The following MYO3B variants were observed in gnomAD, a reference collection of about 807,000 sequenced individuals.
MYO3B encodes the protein myosin IIIB.
A neutral mutation model predicts 174.6 loss-of-function variants in MYO3B; 156 were observed. The observed-to-expected ratio is 0.89, with a 90% CI of 0.78 to 1.02. The LOEUF (loss-of-function observed/expected upper bound fraction) is 1.02. Among genes scored for constraint, MYO3B ranks in the 50% least tolerant of loss-of-function variants. MYO3B has a pLI of 0.00. For missense variants in MYO3B, 1,632 were observed against 1,639.4 expected (o/e 1.00, Z 0.08); for synonymous variants, 563 against 569.1 (o/e 0.99, Z 0.15).
intron 22 of MYO3B, among the ~76,000 whole-genome samples, chr2:170,417,431 A>G (rs80325179): frequency 1.3e-3 from 197 of 152,370 alleles, no homozygotes; most frequent in African/African-American, 4.4e-3. Context: ...TCAGTTAACT[A>G]CTGCAAGATA....
chr2:170,361,011 C>T (rs2094156349), intron 8 of MYO3B, among the ~76,000 whole-genome samples: 1 of 152,214 alleles, frequency 6.6e-6, no homozygotes, highest in Non-Finnish European at 1.5e-5. Flanking sequence ...ATGTAGCACT[C>T]ATACTGCTAA....
intron 30 of MYO3B, among the ~76,000 whole-genome samples, chr2:170,532,877 A>T (rs1448160847): frequency 3.3e-4 from 50 of 152,096 alleles, no homozygotes; most frequent in Admixed American, 3.3e-3. Context: ...GTTCAGAAAA[A>T]AATTATGCAT....
At chr2:170,399,472 T>C (rs2094461845) in intron 16 of MYO3B, among the ~76,000 whole-genome samples, 1 of 95,260 alleles carries the variant, frequency 1.0e-5, no homozygotes, top group Admixed American at 9.5e-5. Flanking sequence ...AGACTCTATC[T>C]CAAAAAAAAA....
chr2:170,311,057 C>T (rs1028858576), intron 7 of MYO3B, among the ~76,000 whole-genome samples: 6 of 152,104 alleles, frequency 3.9e-5, no homozygotes, highest in Non-Finnish European at 7.4e-5. Flanking sequence ...CACCTTTTGT[C>T]TATTGTGAAT....
intron 32 of MYO3B, among the ~76,000 whole-genome samples, chr2:170,622,159 A>G (rs138215913): frequency 6.4e-4 from 97 of 152,334 alleles, no homozygotes; most frequent in African/African-American, 2.0e-3. Flanking sequence ...TTCAACTTTC[A>G]TGTAAGAAAG....
At chr2:170,496,410 T>A (rs1686855767) in intron 25 of MYO3B, among the ~76,000 whole-genome samples, 1 of 152,044 alleles carries the variant, frequency 6.6e-6, no homozygotes, top group South Asian at 2.1e-4. Flanking sequence ...AATATCAGAT[T>A]AGTCTCGTTT....
chr2:170,287,218 A>G (rs935686389), intron 7 of MYO3B, among the ~76,000 whole-genome samples: 1 of 152,014 alleles, frequency 6.6e-6, no homozygotes, highest in Admixed American at 6.6e-5. Flanking sequence ...TTATATACTG[A>G]TTTCCTTTCC....
chr2:170,186,768 G>A (rs1329907193), intron 1 of MYO3B, among the ~76,000 whole-genome samples: 2 of 152,026 alleles, frequency 1.3e-5, no homozygotes, highest in African/African-American at 4.8e-5. Flanking sequence ...TTTCTTTGTT[G>A]GGAGACATTT....
rs759363951 is a variant in MYO3B at position 170,652,972 on chromosome 2, C to T, written c.3888-11C>T. On this transcript the variant is annotated splice_polypyrimidine_tract_variant and intron_variant, in intron 34 of 34. Transcript: ENST00000408978. ...TTTTTGTTGAAAATCCTGTTGTTTT[C>T]TTTGTTGCAGCCAAATCAAAGTACT... The T allele has an allele frequency of 6.2e-7, 1 of 1,612,438 alleles. No individual in the cohort carries two copies. Among genetic ancestry groups the T allele is most frequent in the African/African-American group, 1.3e-5 (1 of 74,774 alleles).
In MYO3B at chr2:170,437,823, C is replaced by T. The variant is rs563353847; in HGVS notation, c.2651-6144C>T. 4.6e-5 allele frequency among the ~76,000 whole-genome samples: 7 copies of T among 152,212 alleles called. No individual in the cohort carries two copies. In the East Asian group the frequency reaches 7.7e-4, roughly 17 times the overall value. ...TGTGTCCTCAACCCTCACAATGGCG[C>T]GCTCTATCGTCTAACTTCTTTCTCG... is the stretch of plus-strand genomic sequence containing the variant. On this transcript the variant is annotated intron_variant, in intron 22 of 34. Transcript: ENST00000408978.
Position 170,411,225 on chromosome 2 carries a change from A to G in MYO3B, c.2650+3381A>G, listed in dbSNP as rs916251622. 5.9e-5 allele frequency among the ~76,000 whole-genome samples: 9 copies of G among 152,272 alleles called. 1 individual carries two copies. The Middle Eastern group carries it at 0.01, about 173-fold the overall frequency. ...GGCAGGTAACATTCCCTTCATTAGTATATATCAAAAAAAGTATAGTCATGC... is the reference window on the plus strand; with the variant it reads ...GGCAGGTAACATTCCCTTCATTAGTGTATATCAAAAAAAGTATAGTCATGC... On this transcript the variant is annotated intron_variant, in intron 22 of 34. Coordinates refer to ENST00000408978, the MANE Select transcript of MYO3B (RefSeq NM_138995.5).
intron 7 of MYO3B, among the ~76,000 whole-genome samples, chr2:170,302,700 A>G (rs1333147680): frequency 6.6e-6 from 1 of 152,224 alleles, no homozygotes; most frequent in African/African-American, 2.4e-5. Flanking sequence ...TGTGGTTTAA[A>G]ATATTTCTTC....
intron 6 of MYO3B, 70 bp from the exon 7 acceptor site, chr2:170,235,921 C>T (rs1015552685): frequency 2.5e-6 from 4 of 1,596,850 alleles, no homozygotes; most frequent in African/African-American, 1.3e-5. Context: ...CTAAGATCAG[C>T]CCAGGGCCTT....
intron 30 of MYO3B, 103 bp downstream of exon 30, chr2:170,519,643 T>C (rs1688539864): frequency 9.9e-7 from 1 of 1,012,348 alleles, no homozygotes; most frequent in Non-Finnish European, 1.5e-6. Flanking sequence ...TCTACCACTA[T>C]GGTATTTTGG....
At chr2:170,499,541 TTATTTA>T (rs66474378) in intron 26 of MYO3B, 99 bp from the exon 27 acceptor site, 496,417 of 1,106,968 alleles carry the variant, frequency 0.45, 113,848 homozygotes, top group Admixed American at 0.56. Flanking sequence ...GCTATAAACT[TTATTTA>T]TATCATTGTT....
chr2:170,495,484 A>G (rs73025051), intron 25 of MYO3B, among the ~76,000 whole-genome samples: 9,509 of 152,226 alleles, frequency 0.062, 923 homozygotes, highest in African/African-American at 0.21. Context: ...TTATCATAAT[A>G]AATTAAGATG....
chr2:170,225,925 A>C (rs1420913472), intron 6 of MYO3B, among the ~76,000 whole-genome samples: 1 of 152,244 alleles, frequency 6.6e-6, no homozygotes, highest in African/African-American at 2.4e-5. Context: ...ACCTCTGCTT[A>C]GCCTGTTCTC....
chr2:170,624,560 T>C (rs1288434534), intron 32 of MYO3B, among the ~76,000 whole-genome samples: 3 of 152,176 alleles, frequency 2.0e-5, no homozygotes, highest in Non-Finnish European at 4.4e-5. Flanking sequence ...CCTTTCTTTC[T>C]TTCTCCTGCC....
rs369530428 is a variant in MYO3B, at chr2:170,199,306, G to A, written c.101G>A (p.Gly34Asp). Reference sequence around the variant, plus strand: ...ACCTGGGAAATTATAGAGACCATTGGTAAAGGCACCTATGGCAAAGTCTAC... The same window carrying A: ...ACCTGGGAAATTATAGAGACCATTGATAAAGGCACCTATGGCAAAGTCTAC... ...TDTWEIIETIGKGTYGKVYKV... is the reference protein window; with the variant it reads ...TDTWEIIETIDKGTYGKVYKV... The change falls in exon 2 of 35, where the codon GGT becomes GAT. Residue 34 changes from glycine (G) to aspartate (D), a missense_variant. Transcript: ENST00000408978. The A allele has an allele frequency of 4.2e-5, 67 of 1,613,540 alleles. 1 individual carries two copies. The African/African-American group carries it at 6.8e-4, about 16-fold the overall frequency.
Sources: allele counts gnomAD v4.1 joint callset (sites outside exome capture counted in the v4.1 genomes callset), GRCh38; gene constraint gnomAD v4.1.1; transcripts MANE v1.5; gene names NCBI Gene and HGNC (gene_info 2026-07-23, HGNC 2026-07-21).